Variants in SEZ6L observed in about 807,000 individuals in gnomAD.
SEZ6L encodes seizure 6-like protein.
Under a neutral mutation model 106.2 loss-of-function variants are expected in SEZ6L, and 37 were observed. The observed-to-expected ratio is 0.35, with a 90% CI of 0.27 to 0.46. The LOEUF is 0.46. Ranked by LOEUF, SEZ6L falls within the 20% of genes least tolerant of loss-of-function variation. The pLI is 1.00. For missense variants in SEZ6L, 1,172 were observed against 1,332.8 expected (o/e 0.88, Z 1.88); for synonymous variants, 541 against 570.4 (o/e 0.95, Z 0.73).
At chr22:26,196,391 C>T (rs961491213) in intron 1 of SEZ6L, among the ~76,000 whole-genome samples, 2 of 152,164 alleles carry the variant, frequency 1.3e-5, no homozygotes, top group African/African-American at 4.8e-5. Context: ...TTTTGTATAG[C>T]AGTGCAAGAA....
At chr22:26,171,377 C>A (rs1938592897) in intron 1 of SEZ6L, among the ~76,000 whole-genome samples, 1 of 152,160 alleles carries the variant, frequency 6.6e-6, no homozygotes, top group Non-Finnish European at 1.5e-5. Flanking sequence ...CTCCCTCCCC[C>A]ACCCCCTTTT....
rs572211319 is a variant in SEZ6L, at chr22:26,259,720, G to T, written c.95-32686G>T. Among the ~76,000 whole-genome samples the T allele has an allele frequency of 7.2e-5, 11 of 152,314 alleles. No homozygotes were observed. In the East Asian group the frequency reaches 1.5e-3, roughly 21 times the overall value. On this transcript the variant is annotated intron_variant, in intron 1 of 16. Coordinates refer to ENST00000248933, the MANE Select transcript of SEZ6L (RefSeq NM_021115.5). ...AAAGGAGGCACCCATGCGGGGTGCT[G>T]TCCGCTGTGCTGAAATGCCATTGTG...
chr22:26,229,759 G>A (rs1159959301), intron 1 of SEZ6L, among the ~76,000 whole-genome samples: 1 of 152,198 alleles, frequency 6.6e-6, no homozygotes, highest in Non-Finnish European at 1.5e-5. Context: ...AAGTTCCCCA[G>A]ATGATTCAAA....
intron 1 of SEZ6L, among the ~76,000 whole-genome samples, chr22:26,260,244 C>T (rs1162443904): frequency 6.6e-6 from 1 of 152,114 alleles, no homozygotes; most frequent in Non-Finnish European, 1.5e-5. Flanking sequence ...ATCACCTGAG[C>T]AGTATTCACT....
At chr22:26,231,430 T>C (rs1444105778) in intron 1 of SEZ6L, among the ~76,000 whole-genome samples, 1 of 152,170 alleles carries the variant, frequency 6.6e-6, no homozygotes, top group African/African-American at 2.4e-5. Context: ...CTGCCTCCAG[T>C]GTCTAGTCCT....
At chr22:26,367,544 T>C (rs2083862028) in intron 13 of SEZ6L, among the ~76,000 whole-genome samples, 2 of 152,058 alleles carry the variant, frequency 1.3e-5, no homozygotes, top group Non-Finnish European at 2.9e-5. Context: ...GGGGTCTCGC[T>C]ATGTTGCCCA....
chr22:26,223,512 G>A (rs377605720), intron 1 of SEZ6L, among the ~76,000 whole-genome samples: 39 of 152,232 alleles, frequency 2.6e-4, no homozygotes, highest in African/African-American at 8.9e-4. Context: ...CCCTTCAGTG[G>A]TAAGAGGTAT....
At chr22:26,356,642 AAATAATAATAAT>A (rs59145201) in intron 12 of SEZ6L, among the ~76,000 whole-genome samples, 44,057 of 142,584 alleles carry the variant, frequency 0.31, 7,282 homozygotes, top group South Asian at 0.48. Flanking sequence ...ATTCTGTCTC[AAATAATAATAAT>A]AATAATAATA....
intron 2 of SEZ6L, among the ~76,000 whole-genome samples, chr22:26,293,967 G>A (rs762160830): frequency 2.0e-5 from 3 of 152,158 alleles, no homozygotes; most frequent in Non-Finnish European, 2.9e-5. Context: ...CCTGCTTGCT[G>A]TTTGAGCTCG....
Position 26,169,770 on chromosome 22 carries a change from G to A in SEZ6L, c.94+7G>A. 1 of 1,240,224 alleles carries A rather than the reference G, an allele frequency of 8.1e-7. No homozygotes were observed. The highest frequency in any genetic ancestry group is 1.0e-6 in the Non-Finnish European group (1 of 989,834). 76.8% of individuals were successfully genotyped at this position (1,240,224 alleles called of 1,614,324 possible). On this transcript the variant is annotated splice_region_variant and intron_variant, in intron 1 of 16. Coordinates refer to ENST00000248933, the MANE Select transcript of SEZ6L (RefSeq NM_021115.5). ...GCGGCAGCGCTGGAGCGAGGTAAGC[G>A]CCCCGAGGGGCGGGGCGGGCAGGGG...
At chr22:26,321,396 A>G (rs2082149923) in intron 9 of SEZ6L, among the ~76,000 whole-genome samples, 1 of 152,218 alleles carries the variant, frequency 6.6e-6, no homozygotes, top group South Asian at 2.1e-4. Context: ...AGCGCCTTGA[A>G]GGCCACATTA....
chr22:26,192,137 A>G (rs1940261762), intron 1 of SEZ6L, among the ~76,000 whole-genome samples: 1 of 152,020 alleles, frequency 6.6e-6, no homozygotes, highest in Admixed American at 6.6e-5. Context: ...TCTGTTCATC[A>G]CATCCTGTCC....
chr22:26,194,531 C>G (rs2145663922), intron 1 of SEZ6L, among the ~76,000 whole-genome samples: 1 of 152,296 alleles, frequency 6.6e-6, no homozygotes, highest in East Asian at 1.9e-4. Context: ...TCCACTGTAA[C>G]TTTAATCCTG....
intron 12 of SEZ6L, among the ~76,000 whole-genome samples, chr22:26,360,195 C>T (rs73158661): frequency 4.4e-4 from 67 of 152,246 alleles, no homozygotes; most frequent in Non-Finnish European, 7.6e-4. Context: ...ACCATAGGGG[C>T]GGAGCCAGGG....
intron 1 of SEZ6L, among the ~76,000 whole-genome samples, chr22:26,249,510 G>C (rs1047741865): frequency 6.6e-6 from 1 of 151,998 alleles, no homozygotes; most frequent in Non-Finnish European, 1.5e-5. Flanking sequence ...TTTTTAAATG[G>C]CTGAATAGTA....
At chr22:26,204,405 C>A (rs761882279) in intron 1 of SEZ6L, among the ~76,000 whole-genome samples, 2 of 152,208 alleles carry the variant, frequency 1.3e-5, no homozygotes, top group Non-Finnish European at 2.9e-5. Context: ...TCGTTCTAGG[C>A]ACTTTACATC....
At chr22:26,309,525 C>T (rs2081745740) in intron 6 of SEZ6L, among the ~76,000 whole-genome samples, 1 of 152,156 alleles carries the variant, frequency 6.6e-6, no homozygotes, top group African/African-American at 2.4e-5. Context: ...GGATCAGAGA[C>T]AGAGCCTGGT....
intron 1 of SEZ6L, among the ~76,000 whole-genome samples, chr22:26,188,631 A>G (rs2055410867): frequency 6.6e-6 from 1 of 152,196 alleles, no homozygotes; most frequent in African/African-American, 2.4e-5. Context: ...GTACTATGCT[A>G]GGTATTCGGC....
At chr22:26,352,508 T>A (rs2083314245) in intron 12 of SEZ6L, among the ~76,000 whole-genome samples, 1 of 152,230 alleles carries the variant, frequency 6.6e-6, no homozygotes, top group Non-Finnish European at 1.5e-5. Flanking sequence ...TAACACTGTG[T>A]ACAATTTATA....
Sources: allele counts gnomAD v4.1 joint callset (sites outside exome capture counted in the v4.1 genomes callset), GRCh38; gene constraint gnomAD v4.1.1; transcripts MANE v1.5; gene names NCBI Gene and HGNC (gene_info 2026-07-23, HGNC 2026-07-21).